RHEB: variants seen among roughly 807,000 people sequenced by gnomAD.
RHEB encodes the protein GTP-binding protein Rheb.
RHEB carries 2 observed loss-of-function variants against 28.8 expected under a neutral mutation model. The ratio of observed to expected loss-of-function variants is 0.07; its 90% CI spans 0.03 to 0.22. RHEB has a LOEUF of 0.22. Among genes scored for constraint, RHEB ranks in the 10% least tolerant of loss-of-function variants. The pLI is 1.00. For missense variants in RHEB, 76 were observed against 219.9 expected (o/e 0.35, Z 4.14); for synonymous variants, 69 against 77.3 (o/e 0.89, Z 0.56).
intron 1 of RHEB, chr7:151,502,344 A>G (rs1802787863): frequency 3.6e-6 from 3 of 831,368 alleles, no homozygotes; most frequent in Non-Finnish European, 4.2e-6. Flanking sequence ...ATGTTATCAG[A>G]TGAGTTTGGA....
At chr7:151,478,228 T>C (rs1273489690) in intron 3 of RHEB, among the ~76,000 whole-genome samples, 1 of 152,174 alleles carries the variant, frequency 6.6e-6, no homozygotes, top group African/African-American at 2.4e-5. Flanking sequence ...TGAAACTAAA[T>C]TGTCAACATA....
intron 1 of RHEB, chr7:151,502,890 G>C (rs1428923135): frequency 4.8e-6 from 4 of 836,830 alleles, no homozygotes; most frequent in South Asian, 2.7e-5. Flanking sequence ...TTTGATCAGA[G>C]GTTACAATCG....
rs560698276 is a variant in RHEB, at chr7:151,498,379, G to A, written c.53-7365C>T. Among the ~76,000 whole-genome samples, 78 of 152,204 alleles carry A rather than the reference G, an allele frequency of 5.1e-4. 1 individual carries two copies. Among genetic ancestry groups the A allele is most frequent in the Admixed American group, 3.7e-3 (57 of 15,294 alleles). On this transcript the variant is annotated intron_variant, in intron 1 of 7. Transcript: ENST00000262187. The stretch of plus-strand genomic sequence containing the variant: ...GTAATCCTAGCAATTTTGGAGACTG[G>A]GCTGAGGCTGGCAGATTTCTTGGGC...
intron 4 of RHEB, among the ~76,000 whole-genome samples, chr7:151,473,346 G>A (rs1802199380): frequency 1.3e-5 from 2 of 152,194 alleles, no homozygotes; most frequent in Non-Finnish European, 2.9e-5. Context: ...CAAGAGCCAC[G>A]TGAACACGCT....
At position 151,517,371 on chromosome 7, in the gene RHEB, A is replaced by G. The variant is rs1200847991; in HGVS notation, c.52+2089T>C. 2.5e-4 allele frequency among the ~76,000 whole-genome samples: 33 copies of G among 131,418 alleles called. No individual in the cohort carries two copies. In the East Asian group the frequency reaches 6.4e-3, roughly 26 times the overall value. 86.2% of individuals were successfully genotyped at this position (131,418 alleles called of 152,430 possible). ...TCACAAGAGCGAAACTCCGTCTCGG[A>G]AAAAAAAAAAAAAAAAAATCAAATA... On this transcript the variant is annotated intron_variant, in intron 1 of 7. Transcript: ENST00000262187.
chr7:151,494,841 G>A (rs574048548), intron 1 of RHEB, among the ~76,000 whole-genome samples: 1 of 152,302 alleles, frequency 6.6e-6, no homozygotes, highest in South Asian at 2.1e-4. Context: ...CTAACATGCT[G>A]TTTTTTGCCA....
At chr7:151,507,629 A>T (rs1802910224) in intron 1 of RHEB, among the ~76,000 whole-genome samples, 1 of 152,168 alleles carries the variant, frequency 6.6e-6, no homozygotes, top group Non-Finnish European at 1.5e-5. Flanking sequence ...GGTTGACATC[A>T]TGTTGTTCTT....
intron 1 of RHEB, among the ~76,000 whole-genome samples, chr7:151,516,659 T>C (rs1803086311): frequency 6.7e-6 from 1 of 149,716 alleles, no homozygotes. Context: ...GCCAACTAGT[T>C]AAACAAACAT....
At chr7:151,487,835 T>C (rs1394093188) in intron 2 of RHEB, among the ~76,000 whole-genome samples, 1 of 152,204 alleles carries the variant, frequency 6.6e-6, no homozygotes, top group African/African-American at 2.4e-5. Context: ...ACCCCTGAAA[T>C]TCTCCTAAGT....
chr7:151,510,543 G>A (rs900210984), intron 1 of RHEB, among the ~76,000 whole-genome samples: 12 of 152,214 alleles, frequency 7.9e-5, no homozygotes, highest in Non-Finnish European at 1.8e-4. Flanking sequence ...CTCAGTAGCA[G>A]GAACAAGTTC....
Position 151,472,986 on chromosome 7 carries a change from G to A in RHEB, c.276-1381C>T, listed in dbSNP as rs1802190040. On this transcript the variant is annotated intron_variant, in intron 4 of 7. Transcript: ENST00000262187. This position sits in a 1 kb window ranked among gnomAD's most constrained non-coding sequence, Gnocchi z 5.2. ...GTGTCGCCACTTGGGCAAAAATACA[G>A]TACCCTGTCACGTGAGAAACAGCTG... Among the ~76,000 whole-genome samples the A allele has an allele frequency of 6.6e-6, 1 of 152,206 alleles. No homozygotes were observed. The highest frequency in any genetic ancestry group is 2.4e-5 in the African/African-American group (1 of 41,444).
chr7:151,502,357 T>C, intron 1 of RHEB: 2 of 828,438 alleles, frequency 2.4e-6, no homozygotes, highest in Non-Finnish European at 4.3e-6. Context: ...AGTTTGGAAC[T>C]GCATCTAACA....
intron 1 of RHEB, among the ~76,000 whole-genome samples, chr7:151,518,295 C>T (rs928163786): frequency 6.6e-6 from 1 of 152,160 alleles, no homozygotes; most frequent in Non-Finnish European, 1.5e-5. Flanking sequence ...CAGACCCTGG[C>T]ACAGGCGGTG....
At chr7:151,497,943 C>T (rs148721463) in intron 1 of RHEB, 1 of 374,326 alleles carries the variant, frequency 2.7e-6, no homozygotes, top group Non-Finnish European at 5.3e-6. Context: ...TCCAACGGGG[C>T]ATATTGATTA....
rs1014806289 is a variant in RHEB, at chr7:151,472,332, G to A, written c.276-727C>T. The stretch of plus-strand genomic sequence containing the variant: ...CAAGTCTGCCTGCATCAGTTCCACA[G>A]CCCCAACCCTTCCCCGCCACCCCTG... On this transcript the variant is annotated intron_variant, in intron 4 of 7. Transcript: ENST00000262187. This position sits in a 1 kb window ranked among gnomAD's most constrained non-coding sequence, Gnocchi z 5.2. 6.6e-6 allele frequency among the ~76,000 whole-genome samples: 1 copy of A among 152,154 alleles called. No homozygotes were observed. The highest frequency in any genetic ancestry group is 2.4e-5 in the African/African-American group (1 of 41,430).
At chr7:151,508,853 T>C (rs1339662408) in intron 1 of RHEB, among the ~76,000 whole-genome samples, 3 of 152,142 alleles carry the variant, frequency 2.0e-5, no homozygotes, top group African/African-American at 7.2e-5. Context: ...TCATATTATT[T>C]GTATAAATTT....
intron 4 of RHEB, among the ~76,000 whole-genome samples, chr7:151,476,335 T>C (rs1802272746): frequency 3.9e-5 from 6 of 152,200 alleles, no homozygotes; most frequent in Admixed American, 3.9e-4. Context: ...GAAATGGGGC[T>C]ACTGTAACCG....
At chr7:151,478,442 T>C (rs939736742) in intron 3 of RHEB, among the ~76,000 whole-genome samples, 2 of 150,418 alleles carry the variant, frequency 1.3e-5, no homozygotes, top group Non-Finnish European at 3.0e-5. Flanking sequence ...TTTGATATAA[T>C]AAATAAGATT....
chr7:151,502,448 C>T (rs986040352), intron 1 of RHEB: 5 of 823,794 alleles, frequency 6.1e-6, no homozygotes, highest in Admixed American at 1.7e-5. Flanking sequence ...TAACAAAGTA[C>T]CTCCAGATGG....
Sources: gnomAD v4.1 joint callset for allele counts (sites outside exome capture counted in the v4.1 genomes callset) on GRCh38, gnomAD v4.1.1 for gene constraint, Gnocchi (gnomAD v3.1) non-coding constraint, MANE v1.5 for transcripts, NCBI Gene and HGNC (gene_info 2026-07-23, HGNC 2026-07-21) for gene names.